Variants in CFAP92 observed in about 807,000 individuals in gnomAD.
CFAP92 encodes cilia and flagella associated protein 92 (putative).
CFAP92 carries 86 observed loss-of-function variants against 106.3 expected under a neutral mutation model. The observed-to-expected ratio is 0.81, with a 90% CI of 0.68 to 0.97. The LOEUF (loss-of-function observed/expected upper bound fraction) is 0.97. Among genes scored for constraint, CFAP92 ranks in the 50% least tolerant of loss-of-function variants. The pLI is 0.00. For missense variants in CFAP92, 1,204 were observed against 1,283.8 expected (o/e 0.94, Z 0.95); for synonymous variants, 477 against 506.4 (o/e 0.94, Z 0.78).
In CFAP92 at chr3:128,946,343, A is replaced by T. The variant is rs1318931901; in HGVS notation, c.1354-368T>A. 3.3e-5 allele frequency among the ~76,000 whole-genome samples: 5 copies of T among 152,196 alleles called. No homozygotes were observed. In the South Asian group the frequency reaches 6.2e-4, roughly 19 times the overall value. On this transcript the variant is annotated intron_variant, in intron 9 of 15. Transcript: ENST00000645291. ...AGGTACAGAGAAGTGATTTTTAGAAAGGAAATCTCTGTTTTCCAAATATAT... is the reference window on the plus strand; with the variant it reads ...AGGTACAGAGAAGTGATTTTTAGAATGGAAATCTCTGTTTTCCAAATATAT...
intron 10 of CFAP92, among the ~76,000 whole-genome samples, chr3:128,935,917 A>C (rs1338393432): frequency 6.6e-6 from 1 of 152,264 alleles, no homozygotes; most frequent in East Asian, 1.9e-4. Context: ...TAGAAAAAAA[A>C]CAAAAGGAAT....
chr3:128,991,371 A>C (rs1396348811), intron 2 of CFAP92: 1 of 152,430 alleles, frequency 6.6e-6, no homozygotes, highest in African/African-American at 2.4e-5. Flanking sequence ...TCGGCCTCCA[A>C]AATAGCTGAA....
chr3:129,016,211 A>T, the CFAP92 span, among the ~76,000 whole-genome samples: 1 of 152,168 alleles, frequency 6.6e-6, no homozygotes, highest in Non-Finnish European at 1.5e-5. Flanking sequence ...GTTGCTGTAC[A>T]GGTATTCTGC....
intron 12 of CFAP92, among the ~76,000 whole-genome samples, chr3:128,918,447 TG>T (rs1259126818): frequency 6.6e-6 from 1 of 152,216 alleles, no homozygotes; most frequent in Non-Finnish European, 1.5e-5. Context: ...TACTCCAGCC[TG>T]GGTGACAGAG....
At position 128,994,058 on chromosome 3, in the gene CFAP92, G is replaced by A. The variant is rs1944382122; in HGVS notation, c.-111C>T. The A allele has an allele frequency of 3.8e-5, 37 of 986,590 alleles. No individual in the cohort carries two copies. The highest frequency in any genetic ancestry group is 4.5e-5 in the Non-Finnish European group (37 of 830,534). The allele number at this position is 986,590 out of a possible 1,614,324, so 61.1% of individuals were successfully genotyped here. On this transcript the variant is annotated 5_prime_UTR_variant, in exon 1 of 16. Transcript: ENST00000645291. Reference sequence around the variant, plus strand: ...CCGTACCGGATCCACAGCCACCTGGGCGAAGAGACTCCAAGACTGAGAGGA... The same window carrying A: ...CCGTACCGGATCCACAGCCACCTGGACGAAGAGACTCCAAGACTGAGAGGA...
At chr3:128,957,684 A>G (rs957162543) in intron 9 of CFAP92, among the ~76,000 whole-genome samples, 2 of 152,234 alleles carry the variant, frequency 1.3e-5, no homozygotes, top group African/African-American at 2.4e-5. Flanking sequence ...AAATACGTCA[A>G]TTAAAAGGCA....
chr3:128,991,257 G>T (rs7637454), intron 2 of CFAP92, among the ~76,000 whole-genome samples: 4,964 of 152,248 alleles, frequency 0.033, 253 homozygotes, highest in African/African-American at 0.11. Flanking sequence ...ATAGACCCAA[G>T]AGTAAAGGCA....
upstream of CFAP92, among the ~76,000 whole-genome samples, chr3:129,006,173 G>T (rs1945065897): frequency 1.3e-5 from 2 of 152,224 alleles, no homozygotes; most frequent in Non-Finnish European, 2.9e-5. Flanking sequence ...AAATCAGCCT[G>T]GCCCCACTGC....
intron 5 of CFAP92, 25 bp from the exon 6 acceptor site, chr3:128,977,091 A>T (rs779637321): frequency 1.3e-6 from 2 of 1,597,516 alleles, no homozygotes; most frequent in African/African-American, 2.7e-5. Context: ...AAATATTTCC[A>T]AGCTTTTTGT....
At chr3:128,992,639 A>G (rs1944286454) in intron 2 of CFAP92, among the ~76,000 whole-genome samples, 1 of 151,632 alleles carries the variant, frequency 6.6e-6, no homozygotes, top group African/African-American at 2.4e-5. Flanking sequence ...CAATGGCGTG[A>G]TCTCTGCTCA....
chr3:129,025,446 G>C, the CFAP92 span, among the ~76,000 whole-genome samples: 1 of 152,258 alleles, frequency 6.6e-6, no homozygotes, highest in Non-Finnish European at 1.5e-5. Context: ...TGCGTGCTGA[G>C]AACTGGCCAT....
At chr3:128,988,264 G>A (rs1163110714) in intron 3 of CFAP92, among the ~76,000 whole-genome samples, 1 of 152,220 alleles carries the variant, frequency 6.6e-6, no homozygotes, top group African/African-American at 2.4e-5. Context: ...AAATAGGCCA[G>A]GTGCGGTGGC....
At chr3:128,943,850 A>C (rs1576462645) in intron 10 of CFAP92, among the ~76,000 whole-genome samples, 1 of 142,118 alleles carries the variant, frequency 7.0e-6, no homozygotes, top group East Asian at 2.1e-4. Flanking sequence ...ATTTCCTTTT[A>C]TGGCTCAATT....
At chr3:128,960,972 C>T (rs928664001) in intron 9 of CFAP92, among the ~76,000 whole-genome samples, 2 of 152,200 alleles carry the variant, frequency 1.3e-5, no homozygotes, top group African/African-American at 4.8e-5. Flanking sequence ...TCTGGGTTTG[C>T]TTCCTTCACT....
chr3:128,912,914 T>C (rs914022276), intron 15 of CFAP92: 5 of 555,188 alleles, frequency 9.0e-6, no homozygotes, highest in African/African-American at 5.6e-5. Flanking sequence ...CTGGGGCTTA[T>C]GCTGCTGCCT....
the CFAP92 span, among the ~76,000 whole-genome samples, chr3:129,020,358 C>G: frequency 2.0e-5 from 3 of 152,106 alleles, no homozygotes; most frequent in Admixed American, 2.0e-4. Flanking sequence ...ATTGGGAAGG[C>G]TGGACAGATG....
In CFAP92 at chr3:128,916,970, G is replaced by A. The variant is rs904765481; in HGVS notation, c.2752-699C>T. 5.3e-5 allele frequency among the ~76,000 whole-genome samples: 8 copies of A among 152,298 alleles called. No homozygotes were observed. In the South Asian group the frequency reaches 1.7e-3, roughly 32 times the overall value. The stretch of plus-strand genomic sequence containing the variant: ...ACCTTTAAAAAATTTTTTAGCACAA[G>A]ATGGTGACCTTAGCTCAACTACAGT... On this transcript the variant is annotated intron_variant, in intron 12 of 15. Coordinates refer to ENST00000645291, the MANE Select transcript of CFAP92 (RefSeq NM_001394090.1).
At chr3:129,000,825 C>A (rs560187878) in intron 1 of CFAP92, among the ~76,000 whole-genome samples, 1 of 152,204 alleles carries the variant, frequency 6.6e-6, no homozygotes, top group African/African-American at 2.4e-5. Context: ...CCTATCCCCA[C>A]CCCCAACAGG....
At chr3:128,941,219 A>G (rs1402763539) in intron 10 of CFAP92, among the ~76,000 whole-genome samples, 1 of 152,148 alleles carries the variant, frequency 6.6e-6, no homozygotes, top group African/African-American at 2.4e-5. Context: ...GGTAGATGGT[A>G]TTCAAAATTT....
Sources: gnomAD v4.1 joint callset for allele counts (sites outside exome capture counted in the v4.1 genomes callset) on GRCh38, gnomAD v4.1.1 for gene constraint, MANE v1.5 for transcripts, NCBI Gene and HGNC (gene_info 2026-07-23, HGNC 2026-07-21) for gene names.